GOLGA8B: variants seen among roughly 807,000 people sequenced by gnomAD.
The protein encoded by GOLGA8B is golgin subfamily A member 8B.
GOLGA8B carries 1 observed loss-of-function variant against 15.6 expected under a neutral mutation model. That is an observed-to-expected ratio of 0.06 (90% CI 0.02 to 0.30). The LOEUF is 0.30. Among genes scored for constraint, GOLGA8B ranks in the 10% least tolerant of loss-of-function variants. The pLI is 1.00. For synonymous variants in GOLGA8B, 9 were observed against 80.3 expected (o/e 0.11, Z 4.75); for missense variants, 17 against 201.3 (o/e 0.08, Z 5.54).
chr15:34,580,126 C>G (rs1000048982), intron 1 of GOLGA8B, among the ~76,000 whole-genome samples: 1 of 152,128 alleles, frequency 6.6e-6, no homozygotes, highest in Middle Eastern at 3.4e-3. Flanking sequence ...CTGGCAAATC[C>G]GAGGACCAAG....
intron 1 of GOLGA8B, among the ~76,000 whole-genome samples, chr15:34,571,880 A>G (rs1418633313): frequency 2.6e-5 from 4 of 152,096 alleles, no homozygotes; most frequent in Admixed American, 6.6e-5. Context: ...AATTCAAAGG[A>G]CAAGTGGCAT....
intron 1 of GOLGA8B, among the ~76,000 whole-genome samples, chr15:34,580,179 T>G (rs1595713720): frequency 6.6e-6 from 1 of 152,158 alleles, no homozygotes; most frequent in East Asian, 1.9e-4. Context: ...ATCTCCGGGA[T>G]GGACATGGGC....
At chr15:34,581,403 A>G (rs1204448992) in intron 1 of GOLGA8B, 1 of 152,224 alleles carries the variant, frequency 6.6e-6, no homozygotes, top group Non-Finnish European at 1.5e-5. Flanking sequence ...GTCTGGGAAA[A>G]ATCAAGGTGT....
rs867908953 is a variant in GOLGA8B at position 34,547,088 on chromosome 15, C to T, written c.-574-106G>A. 2.5e-4 allele frequency: 18 copies of T among 71,976 alleles called. 4 individuals are homozygous for T. The East Asian group carries it at 5.8e-3, about 23-fold the overall frequency. The allele number at this position is 71,976 out of a possible 1,614,324, so 4.5% of individuals were successfully genotyped here. A position where few individuals can be genotyped will look rare whatever the true frequency, so the allele number is the denominator to read the frequency against. On this transcript the variant is annotated intron_variant, in intron 4 of 23. Transcript: ENST00000683415. ...AAATATACACACAAAAAGCTAAGTACGAAGCTTTTAGAAAACTACTACCAT... is the reference window on the plus strand; with the variant it reads ...AAATATACACACAAAAAGCTAAGTATGAAGCTTTTAGAAAACTACTACCAT...
rs1595695893 is a variant in GOLGA8B at position 34,526,183 on chromosome 15, A to C, written c.*1449T>G. 1.3e-5 allele frequency: 2 copies of C among 150,148 alleles called. No individual in the cohort carries two copies. Among genetic ancestry groups the C allele is most frequent in the East Asian group, 3.9e-4 (2 of 5,112 alleles). 9.3% of individuals were successfully genotyped at this position (150,148 alleles called of 1,614,324 possible). ...GTTTGTGAGGAAATACAACTCTGCG[A>C]TCGTATAGACATGTTTCCTGATAAT... On this transcript the variant is annotated 3_prime_UTR_variant, in exon 24 of 24. Transcript: ENST00000683415.
chr15:34,572,844 C>G (rs62006257), intron 1 of GOLGA8B, among the ~76,000 whole-genome samples: 40,140 of 150,924 alleles, frequency 0.27, 4,432 homozygotes, highest in Non-Finnish European at 0.31. Flanking sequence ...TTAGGCGCCA[C>G]CCCCGTTGAT....
chr15:34,569,372 C>G (rs1176443903), intron 1 of GOLGA8B, among the ~76,000 whole-genome samples: 1 of 151,944 alleles, frequency 6.6e-6, no homozygotes, highest in Admixed American at 6.6e-5. Context: ...TCCCCTCCAT[C>G]ACACTTCGGA....
At chr15:34,569,800 C>T (rs1020029275) in intron 1 of GOLGA8B, among the ~76,000 whole-genome samples, 1 of 150,864 alleles carries the variant, frequency 6.6e-6, no homozygotes, top group African/African-American at 2.4e-5. Context: ...GAACTCACAG[C>T]AACTGGCAGC....
chr15:34,581,903 C>T (rs1889246500), intron 1 of GOLGA8B, among the ~76,000 whole-genome samples: 2 of 152,198 alleles, frequency 1.3e-5, no homozygotes, highest in African/African-American at 4.8e-5. Flanking sequence ...GAGCCCACTC[C>T]AAGGGCCCCC....
At chr15:34,577,985 T>C (rs12593366) in intron 1 of GOLGA8B, among the ~76,000 whole-genome samples, 15,332 of 152,228 alleles carry the variant, frequency 0.1, 1,004 homozygotes, top group East Asian at 0.27. Context: ...TTGAGCCCCA[T>C]GATATTCTTA....
intron 1 of GOLGA8B, chr15:34,582,890 G>A (rs1199290740): frequency 1.3e-5 from 2 of 152,184 alleles, no homozygotes; most frequent in African/African-American, 4.8e-5. Flanking sequence ...GCCCCTTCCG[G>A]GGCAGGTCTC....
intron 4 of GOLGA8B, among the ~76,000 whole-genome samples, chr15:34,549,203 C>A: frequency 1.0e-5 from 1 of 98,560 alleles, no homozygotes; most frequent in Non-Finnish European, 2.2e-5. Flanking sequence ...CTCAACATTT[C>A]AAGAAGTAAA....
At chr15:34,573,495 C>CCACTG (rs1158507751) in intron 1 of GOLGA8B, among the ~76,000 whole-genome samples, 2 of 144,134 alleles carry the variant, frequency 1.4e-5, no homozygotes, top group African/African-American at 5.2e-5. Context: ...CGAGATTGTG[C>CCACTG]CACTGCACTC....
chr15:34,579,094 C>T (rs941429892), intron 1 of GOLGA8B, among the ~76,000 whole-genome samples: 1 of 151,954 alleles, frequency 6.6e-6, no homozygotes, highest in African/African-American at 2.4e-5. Flanking sequence ...GCCTCATGCG[C>T]ACATTGCAGA....
chr15:34,544,596 TTTAAG>T (rs1382239639), intron 7 of GOLGA8B, among the ~76,000 whole-genome samples: 2 of 139,670 alleles, frequency 1.4e-5, no homozygotes, highest in African/African-American at 5.1e-5. Flanking sequence ...ATACCCTCTT[TTTAAG>T]TTATTAAGAG....
chr15:34,557,629 GAGA>G (rs1297816508), intron 1 of GOLGA8B, among the ~76,000 whole-genome samples: 2 of 69,098 alleles, frequency 2.9e-5, no homozygotes, highest in Non-Finnish European at 6.0e-5. Context: ...ATTTTTTTCT[GAGA>G]AGAATTCATG....
At chr15:34,543,233 C>A (rs1219901858) in intron 7 of GOLGA8B, among the ~76,000 whole-genome samples, 2 of 127,442 alleles carry the variant, frequency 1.6e-5, no homozygotes, top group Non-Finnish European at 3.3e-5. Flanking sequence ...CCAGGCTGGA[C>A]TGTAGTGGCA....
chr15:34,580,910 G>A (rs1307733509), intron 1 of GOLGA8B, among the ~76,000 whole-genome samples: 1 of 152,142 alleles, frequency 6.6e-6, no homozygotes, highest in Non-Finnish European at 1.5e-5. Flanking sequence ...TAGTCCTCAC[G>A]GCCACCTGGC....
At position 34,565,024 on chromosome 15, in the gene GOLGA8B, G is replaced by A. The variant is rs984213804; in HGVS notation, c.-1122-11068C>T. Reference sequence around the variant, plus strand: ...TGCCCATGTTTCAGCTGAGAGCCGGGTGGGTGGCAGGGGCTACGGAGAAGG... The same window carrying A: ...TGCCCATGTTTCAGCTGAGAGCCGGATGGGTGGCAGGGGCTACGGAGAAGG... On this transcript the variant is annotated intron_variant, in intron 1 of 23. Transcript: ENST00000683415. 2.8e-5 allele frequency among the ~76,000 whole-genome samples: 4 copies of A among 144,266 alleles called. 1 individual carries two copies. The highest frequency in any genetic ancestry group is 7.4e-5 in the African/African-American group (3 of 40,554). 94.6% of individuals were successfully genotyped at this position (144,266 alleles called of 152,430 possible).
Sources: gnomAD v4.1 joint callset for allele counts (sites outside exome capture counted in the v4.1 genomes callset) on GRCh38, gnomAD v4.1.1 for gene constraint, MANE v1.5 for transcripts, NCBI Gene and HGNC (gene_info 2026-07-23, HGNC 2026-07-21) for gene names.